NEDD4: variants seen among roughly 807,000 people sequenced by gnomAD.
NEDD4 encodes E3 ubiquitin-protein ligase NEDD4.
Under a neutral mutation model 144.9 loss-of-function variants are expected in NEDD4, and 99 were observed. The observed-to-expected ratio is 0.68, with a 90% CI of 0.58 to 0.81. The LOEUF is 0.81. Among genes scored for constraint, NEDD4 ranks in the 30% least tolerant of loss-of-function variants. The probability of loss-of-function intolerance (pLI) is 0.00; values close to 1 mark genes in which losing one functional copy is unlikely to be tolerated. For missense variants in NEDD4, 985 were observed against 1,065.9 expected, an observed-to-expected ratio of 0.92 and a Z score of 1.06; for synonymous variants, 318 against 350.6, an observed-to-expected ratio of 0.91 and a Z score of 1.04.
At chr15:55,978,815 T>C (rs2037747069) in intron 1 of NEDD4, among the ~76,000 whole-genome samples, 1 of 151,740 alleles carries the variant, frequency 6.6e-6, no homozygotes, top group Admixed American at 6.6e-5. Context: ...TGTAATGTGT[T>C]ATCTATGCGG....
At chr15:55,907,097 A>C (rs555963077) in intron 5 of NEDD4, among the ~76,000 whole-genome samples, 133 of 151,936 alleles carry the variant, frequency 8.8e-4, no homozygotes, top group Non-Finnish European at 1.6e-3. Flanking sequence ...TGTCTCAAAA[A>C]TAAAAAAAAA....
At chr15:55,884,735 A>G (rs1421186463) in intron 5 of NEDD4, among the ~76,000 whole-genome samples, 3 of 152,162 alleles carry the variant, frequency 2.0e-5, no homozygotes, top group African/African-American at 7.2e-5. Context: ...AAGAAAGGCT[A>G]TTTTAAAAAA....
chr15:55,857,505 T>TA (rs1250116427), intron 11 of NEDD4, among the ~76,000 whole-genome samples: 1 of 152,056 alleles, frequency 6.6e-6, no homozygotes, highest in Non-Finnish European at 1.5e-5. Context: ...ATTTTTGTAT[T>TA]AGAGACGGGG....
chr15:55,896,120 A>G (rs1272642895), intron 5 of NEDD4, among the ~76,000 whole-genome samples: 1 of 152,056 alleles, frequency 6.6e-6, no homozygotes. Context: ...AGCTGCAATG[A>G]TCCTATATTT....
At position 55,927,064 on chromosome 15, in the gene NEDD4, T is replaced by C. The variant is rs1307325909; in HGVS notation, c.238-2365A>G. ...GCACTGTCCAGCCTGGGCAACAGAG[T>C]GAGACTACGTCTCAAAAAAAAAAAA... On this transcript the variant is annotated intron_variant, in intron 4 of 28. Transcript: ENST00000435532. 5.4e-5 allele frequency among the ~76,000 whole-genome samples: 6 copies of C among 112,012 alleles called. No individual in the cohort carries two copies. The East Asian group carries it at 1.2e-3, about 22-fold the overall frequency. The allele number at this position is 112,012 out of a possible 152,430, so 73.5% of individuals were successfully genotyped here. A position where few individuals can be genotyped will look rare whatever the true frequency, so the allele number is the denominator to read the frequency against.
chr15:55,947,114 A>G (rs1246486061), intron 4 of NEDD4, among the ~76,000 whole-genome samples: 1 of 152,208 alleles, frequency 6.6e-6, no homozygotes, highest in Non-Finnish European at 1.5e-5. Context: ...AAGCAAGAGC[A>G]AACACATTCA....
chr15:55,844,502 G>A (rs2033658529), intron 18 of NEDD4, among the ~76,000 whole-genome samples: 1 of 152,124 alleles, frequency 6.6e-6, no homozygotes, highest in Non-Finnish European at 1.5e-5. Context: ...TTTGAACTGA[G>A]TAGTAGACAA....
chr15:55,869,889 A>AAATCAATC (rs146081341), intron 7 of NEDD4, among the ~76,000 whole-genome samples: 64 of 149,872 alleles, frequency 4.3e-4, no homozygotes, highest in Admixed American at 8.0e-4. Flanking sequence ...ATAAATAAAT[A>AAATCAATC]AATAATTGTT....
chr15:55,876,193 G>A (rs1194221405), intron 5 of NEDD4, among the ~76,000 whole-genome samples: 5 of 152,182 alleles, frequency 3.3e-5, no homozygotes, highest in South Asian at 2.1e-4. Flanking sequence ...AGATACTTTC[G>A]GATAAAGTAG....
intron 9 of NEDD4, among the ~76,000 whole-genome samples, chr15:55,861,435 T>TA (rs1163701685): frequency 4.6e-5 from 7 of 151,886 alleles, no homozygotes; most frequent in African/African-American, 1.2e-4. Flanking sequence ...TAATGAGTAT[T>TA]AAAAAAAACA....
rs952528529 is a variant in NEDD4, at chr15:55,968,874, C to T, written c.46-2328G>A. The stretch of plus-strand genomic sequence containing the variant: ...AACAAATATGGAGGAGGAGGCGGAG[C>T]AAGATGGCTCATTAGAACCCTCCAG... On this transcript the variant is annotated intron_variant, in intron 1 of 28. Coordinates refer to ENST00000435532, the MANE Select transcript of NEDD4 (RefSeq NM_006154.4). 1.5e-4 allele frequency among the ~76,000 whole-genome samples: 23 copies of T among 152,190 alleles called. 1 individual carries two copies. Among genetic ancestry groups the T allele is most frequent in the Admixed American group, 6.5e-5 (1 of 15,280 alleles).
In NEDD4 at chr15:55,923,655, A is replaced by ATAT. The variant is rs1280247725; in HGVS notation, c.291+990_291+991insATA. Among the ~76,000 whole-genome samples, 3 of 134,880 alleles carry ATAT rather than the reference A, an allele frequency of 2.2e-5. No homozygotes were observed. The South Asian group carries it at 7.4e-4, about 33-fold the overall frequency. The allele number at this position is 134,880 out of a possible 152,430, so 88.5% of individuals were successfully genotyped here. A position where few individuals can be genotyped will look rare whatever the true frequency, so the allele number is the denominator to read the frequency against. Reference sequence around the variant, plus strand: ...AGCGAGACTCCATCTCAAAAAAAAAAAAAAATATATATATATATAGCAAGT... The same window carrying ATAT: ...AGCGAGACTCCATCTCAAAAAAAAAATATAAAAATATATATATATATAGCAAGT... On this transcript the variant is annotated intron_variant, in intron 5 of 28. Transcript: ENST00000435532.
intron 5 of NEDD4, among the ~76,000 whole-genome samples, chr15:55,897,261 C>T (rs1158707621): frequency 8.5e-5 from 13 of 152,220 alleles, no homozygotes; most frequent in Non-Finnish European, 1.3e-4. Context: ...GCGTGAGCCA[C>T]TGCGCCCGGC....
intron 1 of NEDD4, among the ~76,000 whole-genome samples, chr15:55,974,895 T>G (rs74974374): frequency 6.6e-5 from 8 of 120,636 alleles, no homozygotes; most frequent in Non-Finnish European, 1.0e-4. Flanking sequence ...TCCTTTCTTT[T>G]TTTTTTTTTT....
At chr15:55,916,025 A>G in intron 5 of NEDD4, 1 of 1,613,792 alleles carries the variant, frequency 6.2e-7, no homozygotes, top group South Asian at 1.1e-5. Flanking sequence ...GACTCCTAGG[A>G]AAAATGACTA....
chr15:55,874,085 C>T, intron 5 of NEDD4, 77 bp from the exon 6 acceptor site: 1 of 778,918 alleles, frequency 1.3e-6, no homozygotes, highest in South Asian at 1.8e-5. Context: ...ATAGTGCCAC[C>T]ATTCACAGAA....
intron 5 of NEDD4, among the ~76,000 whole-genome samples, chr15:55,907,868 C>T (rs766659697): frequency 2.0e-5 from 3 of 152,200 alleles, no homozygotes; most frequent in Non-Finnish European, 4.4e-5. Context: ...ATCTGAGCCT[C>T]TATCCAGACA....
chr15:55,898,717 C>G (rs1437364254), intron 5 of NEDD4, among the ~76,000 whole-genome samples: 1 of 145,356 alleles, frequency 6.9e-6, no homozygotes, highest in Non-Finnish European at 1.5e-5. Context: ...CTCAATGCAA[C>G]TTGGACTCCT....
intron 4 of NEDD4, among the ~76,000 whole-genome samples, chr15:55,939,364 A>C (rs72734323): frequency 0.13 from 20,469 of 152,124 alleles, 1,501 homozygotes; most frequent in East Asian, 0.32. Context: ...CTTGTGGAGA[A>C]GGTGCCCGCT....
Sources: gnomAD v4.1 joint callset for allele counts (sites outside exome capture counted in the v4.1 genomes callset) on GRCh38, gnomAD v4.1.1 for gene constraint, MANE v1.5 for transcripts, NCBI Gene and HGNC (gene_info 2026-07-23, HGNC 2026-07-21) for gene names.